Variants in HNMT observed in about 807,000 individuals in gnomAD.
HNMT encodes the protein histamine N-methyltransferase.
In HNMT, 30 loss-of-function variants were observed where a neutral mutation model predicts 32.1. That is an observed-to-expected ratio of 0.93 (90% CI 0.70 to 1.27). The LOEUF is 1.27. HNMT is among the 50% of genes most tolerant of loss of function. The pLI, the probability that HNMT is intolerant of heterozygous loss-of-function variation, is 0.00. For missense variants in HNMT, 327 were observed against 346.0 expected (o/e 0.95, Z 0.43); for synonymous variants, 125 against 119.0 (o/e 1.05, Z -0.33).
At chr2:137,972,990 C>T (rs909376492) in intron 2 of HNMT, among the ~76,000 whole-genome samples, 6 of 152,238 alleles carry the variant, frequency 3.9e-5, no homozygotes, top group African/African-American at 1.4e-4. Flanking sequence ...ATAAAGGGAA[C>T]AACTCTTGGA....
At chr2:137,977,451 A>G (rs1019794030) in intron 2 of HNMT, among the ~76,000 whole-genome samples, 8 of 152,122 alleles carry the variant, frequency 5.3e-5, no homozygotes. Flanking sequence ...ACCTAATAAT[A>G]TATGCCTGAA....
At chr2:137,992,047 T>C (rs914156016) in intron 2 of HNMT, 3 of 152,102 alleles carry the variant, frequency 2.0e-5, no homozygotes, top group African/African-American at 7.2e-5. Context: ...AGGGAGGCAA[T>C]GGGTGAGCGT....
intron 2 of HNMT, among the ~76,000 whole-genome samples, chr2:137,999,059 T>A (rs1467178888): frequency 1.3e-5 from 2 of 152,200 alleles, no homozygotes; most frequent in Admixed American, 6.5e-5. Context: ...GCATTTGTGA[T>A]CTTTCTACTT....
At chr2:137,979,544 GC>G (rs1558955041) in intron 2 of HNMT, among the ~76,000 whole-genome samples, 4 of 151,780 alleles carry the variant, frequency 2.6e-5, no homozygotes, top group Admixed American at 6.6e-5. Context: ...GAGCCACCAC[GC>G]CCGGCCATAC....
At chr2:138,012,588 C>T (rs963956182) in intron 5 of HNMT, among the ~76,000 whole-genome samples, 11 of 152,216 alleles carry the variant, frequency 7.2e-5, no homozygotes, top group African/African-American at 2.6e-4. Flanking sequence ...AGATTCTTGT[C>T]TGAATTCCAG....
rs1482947618 is a variant in HNMT at position 137,971,262 on chromosome 2, C to T, written c.190+1045C>T. Among the ~76,000 whole-genome samples the T allele has an allele frequency of 4.6e-5, 7 of 152,204 alleles. No homozygotes were observed. In the East Asian group the frequency reaches 1.4e-3, roughly 30 times the overall value. ...TGGTGCAATCTTGGCTCACTGCAAC[C>T]TCCACCTCCCGGGTTCAAGCAATTC... On this transcript the variant is annotated intron_variant, in intron 2 of 5. Transcript: ENST00000280097.
chr2:137,993,670 C>T (rs1389170293), intron 2 of HNMT, among the ~76,000 whole-genome samples: 2 of 152,122 alleles, frequency 1.3e-5, no homozygotes. Flanking sequence ...TGAGGAAAAA[C>T]AGAGAACATC....
In HNMT at chr2:138,015,805, C is replaced by G. The variant is rs1470576243; in HGVS notation, c.*1675C>G. 6.6e-6 allele frequency: 1 copy of G among 151,992 alleles called. No individual in the cohort carries two copies. Among genetic ancestry groups the G allele is most frequent in the Admixed American group, 6.6e-5 (1 of 15,252 alleles). 9.4% of individuals were successfully genotyped at this position (151,992 alleles called of 1,614,324 possible). On this transcript the variant is annotated 3_prime_UTR_variant, in exon 6 of 6. Transcript: ENST00000280097. ...GAGTCTTTTGTATAAAGCACACGTG[C>G]AAAAACAAACAAAATTAGAACTAAC... is the stretch of plus-strand genomic sequence containing the variant.
At chr2:137,990,653 T>C (rs1680790561) in intron 2 of HNMT, among the ~76,000 whole-genome samples, 2 of 152,206 alleles carry the variant, frequency 1.3e-5, no homozygotes, top group Admixed American at 1.3e-4. Flanking sequence ...TGTCAAGGAA[T>C]ATTTTATTTT....
intron 2 of HNMT, among the ~76,000 whole-genome samples, chr2:137,987,215 G>C (rs945117611): frequency 6.6e-6 from 1 of 152,090 alleles, no homozygotes; most frequent in Admixed American, 6.6e-5. Context: ...AAAATAAGTA[G>C]CCTTCAATCA....
At chr2:137,985,338 CCTAAGAATAGGA>C (rs1182587849) in intron 2 of HNMT, among the ~76,000 whole-genome samples, 2 of 152,168 alleles carry the variant, frequency 1.3e-5, no homozygotes, top group African/African-American at 4.8e-5. Flanking sequence ...AAAGCCGTGT[CCTAAGAATAGGA>C]TTTCACATAA....
intron 1 of HNMT, 87 bp from the exon 2 acceptor site, chr2:137,970,078 G>A: frequency 1.5e-6 from 1 of 671,936 alleles, no homozygotes. Flanking sequence ...TGTATTTTTA[G>A]TCTGTTCTCT....
rs1411103897 is a variant in HNMT, at chr2:138,001,041, G to T, written c.298+16G>T. The T allele has an allele frequency of 7.4e-7, 1 of 1,352,132 alleles. No homozygotes were observed. The highest frequency in any genetic ancestry group is 1.5e-5 in the African/African-American group (1 of 68,798). 83.8% of individuals were successfully genotyped at this position (1,352,132 alleles called of 1,614,324 possible). A position where few individuals can be genotyped will look rare whatever the true frequency, so the allele number is the denominator to read the frequency against. ...AAATACAAAGGTACCTGTAACTCCTGGTCCTCTACACCAGATCCTATCCCA... is the reference window on the plus strand; with the variant it reads ...AAATACAAAGGTACCTGTAACTCCTTGTCCTCTACACCAGATCCTATCCCA... On this transcript the variant is annotated intron_variant, in intron 3 of 5. Transcript: ENST00000280097.
At chr2:138,013,563 C>G (rs185168832) in intron 5 of HNMT, among the ~76,000 whole-genome samples, 1 of 152,092 alleles carries the variant, frequency 6.6e-6, no homozygotes, top group Non-Finnish European at 1.5e-5. Flanking sequence ...AGTCTTTAAC[C>G]CTCTTAGCAT....
In HNMT at chr2:138,014,228, G is replaced by C. The variant is rs889843826; in HGVS notation, c.*98G>C. ...AATCACAAACTCATCCATTAATGTAGATAAAGCACTGTTTGGATATGAGAT... is the reference window on the plus strand; with the variant it reads ...AATCACAAACTCATCCATTAATGTACATAAAGCACTGTTTGGATATGAGAT... On this transcript the variant is annotated 3_prime_UTR_variant, in exon 6 of 6. Coordinates refer to ENST00000280097, the MANE Select transcript of HNMT (RefSeq NM_006895.3). The C allele has an allele frequency of 2.0e-5, 16 of 781,816 alleles. No homozygotes were observed. The highest frequency in any genetic ancestry group is 5.6e-5 in the Admixed American group (2 of 35,726). The allele number at this position is 781,816 out of a possible 1,614,324, so 48.4% of individuals were successfully genotyped here.
chr2:137,982,354 A>G (rs924502316), intron 2 of HNMT, among the ~76,000 whole-genome samples: 1 of 152,202 alleles, frequency 6.6e-6, no homozygotes, highest in African/African-American at 2.4e-5. Flanking sequence ...CATGCCCTTC[A>G]TTGAATGTAA....
At chr2:137,975,695 AG>A (rs1417545740) in intron 2 of HNMT, among the ~76,000 whole-genome samples, 1 of 152,230 alleles carries the variant, frequency 6.6e-6, no homozygotes, top group Non-Finnish European at 1.5e-5. Flanking sequence ...TAATTCAAGT[AG>A]GAACTGGAAG....
chr2:137,981,282 G>A (rs778227518), intron 2 of HNMT: 63 of 1,613,548 alleles, frequency 3.9e-5, no homozygotes, highest in Admixed American at 6.7e-5. Flanking sequence ...TGTAGCACCC[G>A]TCAGAAAGAC....
chr2:138,002,424 T>A lies in HNMT; in HGVS notation c.429+230T>A, dbSNP rs1681201982. 6 of 911,008 alleles carry A rather than the reference T, an allele frequency of 6.6e-6. No homozygotes were observed. The African/African-American group carries it at 8.8e-5, about 13-fold the overall frequency. 56.4% of individuals were successfully genotyped at this position (911,008 alleles called of 1,614,324 possible). ...CTAATCAAAATACCTCTACAAGTTA[T>A]CCATTTTTAAAAATGTTGGCTTAAT... On this transcript the variant is annotated intron_variant, in intron 4 of 5. Coordinates refer to ENST00000280097, the MANE Select transcript of HNMT (RefSeq NM_006895.3).
Sources: allele counts gnomAD v4.1 joint callset (sites outside exome capture counted in the v4.1 genomes callset), GRCh38; gene constraint gnomAD v4.1.1; transcripts MANE v1.5; gene names NCBI Gene and HGNC (gene_info 2026-07-23, HGNC 2026-07-21).